Variants in PI4K2B observed in about 807,000 individuals in gnomAD.
PI4K2B encodes phosphatidylinositol 4-kinase type 2 beta.
PI4K2B carries 46 observed loss-of-function variants against 56.6 expected under a neutral mutation model. The ratio of observed to expected loss-of-function variants is 0.81; its 90% CI spans 0.64 to 1.04. PI4K2B has a LOEUF of 1.04. Among genes scored for constraint, PI4K2B ranks in the 50% least tolerant of loss-of-function variants. The pLI, the probability that PI4K2B is intolerant of heterozygous loss-of-function variation, is 0.00. For missense variants in PI4K2B, 556 were observed against 607.7 expected (o/e 0.91, Z 0.89); for synonymous variants, 211 against 223.8 (o/e 0.94, Z 0.51).
At chr4:25,258,310 C>T (rs894696315) in intron 4 of PI4K2B, among the ~76,000 whole-genome samples, 11 of 149,492 alleles carry the variant, frequency 7.4e-5, no homozygotes, top group African/African-American at 2.5e-4. Context: ...CGAGTTCAAG[C>T]GATTCTCCTG....
Position 25,255,081 on chromosome 4 carries a change from T to C in PI4K2B, c.440T>C (p.Phe147Ser). 1 of 1,613,182 alleles carries C rather than the reference T, an allele frequency of 6.2e-7. No homozygotes were observed. The highest frequency in any genetic ancestry group is 8.5e-7 in the Non-Finnish European group (1 of 1,179,196). Residue 147 changes from phenylalanine (F) to serine (S), a missense_variant, in exon 3 of 10, where the codon TTT (phenylalanine) becomes TCT (serine). By Grantham distance (155) the Phe-to-Ser change is radical. Coordinates refer to ENST00000264864, the MANE Select transcript of PI4K2B (RefSeq NM_018323.4). ...KDPKRKIIGV[F>S]KPKSEEPYGQ... ...TTGCTCTAGAAAATTATTGGTGTGT[T>C]TAAACCCAAATCAGAAGAGCCTTAT...
chr4:25,241,766 G>T (rs1308401361), intron 1 of PI4K2B, among the ~76,000 whole-genome samples: 1 of 152,186 alleles, frequency 6.6e-6, no homozygotes, highest in Non-Finnish European at 1.5e-5. Flanking sequence ...GCCACTGGTT[G>T]TGGGGTTGTC....
intron 3 of PI4K2B, among the ~76,000 whole-genome samples, chr4:25,256,191 T>C (rs1716258386): frequency 6.6e-6 from 1 of 152,232 alleles, no homozygotes. Context: ...GTGTTGGGAT[T>C]ACAGGCATGA....
chr4:25,248,889 T>C (rs531125255), intron 1 of PI4K2B, among the ~76,000 whole-genome samples: 107 of 152,194 alleles, frequency 7.0e-4, no homozygotes, highest in Non-Finnish European at 1.2e-3. Flanking sequence ...CATAGGACAA[T>C]AGTGGAGGGA....
chr4:25,276,645 T>C, intron 9 of PI4K2B: 1 of 984,078 alleles, frequency 1.0e-6, no homozygotes, highest in Non-Finnish European at 1.2e-6. Flanking sequence ...AAAACCAGAC[T>C]GTTTAAACCA....
intron 1 of PI4K2B, among the ~76,000 whole-genome samples, chr4:25,246,183 G>A (rs917431849): frequency 1.3e-5 from 2 of 152,022 alleles, no homozygotes; most frequent in Non-Finnish European, 2.9e-5. Flanking sequence ...TGCAAAGAGC[G>A]AAAGAACAAA....
At chr4:25,247,407 A>C (rs1360374853) in intron 1 of PI4K2B, among the ~76,000 whole-genome samples, 1 of 152,196 alleles carries the variant, frequency 6.6e-6, no homozygotes, top group Non-Finnish European at 1.5e-5. Context: ...TACTGGGTGC[A>C]GTGGAAATGA....
chr4:25,268,371 A>C, intron 7 of PI4K2B, 72 bp from the exon 8 acceptor site: 2 of 1,295,930 alleles, frequency 1.5e-6, no homozygotes, highest in Non-Finnish European at 2.2e-6. Flanking sequence ...GTTGTAGGAA[A>C]GAACCGGGAA....
chr4:25,270,989 A>G (rs182276163), intron 9 of PI4K2B, among the ~76,000 whole-genome samples: 3 of 152,318 alleles, frequency 2.0e-5, no homozygotes, highest in African/African-American at 7.2e-5. Flanking sequence ...AGTGCTGGCA[A>G]CTAGTCACTG....
rs10939045 is a variant in PI4K2B at position 25,266,776 on chromosome 4, G to A, written c.1079-1667G>A. 0.015 allele frequency among the ~76,000 whole-genome samples: 2,217 copies of A among 152,194 alleles called. 127 individuals are homozygous for A. The East Asian group carries it at 0.18, about 12-fold the overall frequency. On this transcript the variant is annotated intron_variant, in intron 7 of 9. Coordinates refer to ENST00000264864, the MANE Select transcript of PI4K2B (RefSeq NM_018323.4). ...TCTTTTTTTTGGTTTTCTGGGATAT[G>A]AGAGAGAGGAAATAGCTTTTAAACT...
chr4:25,257,593 G>C (rs1190908708), intron 4 of PI4K2B, among the ~76,000 whole-genome samples: 2 of 152,022 alleles, frequency 1.3e-5, no homozygotes, highest in African/African-American at 4.8e-5. Flanking sequence ...GGGTAGAGAG[G>C]GTTAATGGGA....
rs528275517 is a variant in PI4K2B at position 25,236,196 on chromosome 4, C to T, written c.268+1765C>T. Among the ~76,000 whole-genome samples, 38 of 143,160 alleles carry T rather than the reference C, an allele frequency of 2.7e-4. No individual in the cohort carries two copies. In the Middle Eastern group the frequency reaches 0.022, roughly 83 times the overall value. The allele number at this position is 143,160 out of a possible 152,430, so 93.9% of individuals were successfully genotyped here. Reference sequence around the variant, plus strand: ...GGTTCTGTCTTGAGACAGAGCAAGACTCTGTCTCAAAAATAAATAAATAAA... The same window carrying T: ...GGTTCTGTCTTGAGACAGAGCAAGATTCTGTCTCAAAAATAAATAAATAAA... On this transcript the variant is annotated intron_variant, in intron 1 of 9. Transcript: ENST00000264864.
intron 1 of PI4K2B, among the ~76,000 whole-genome samples, chr4:25,242,775 C>T (rs1457672025): frequency 2.0e-5 from 3 of 152,146 alleles, no homozygotes; most frequent in African/African-American, 7.2e-5. Flanking sequence ...GATCTTTTAA[C>T]CTGATTTGGA....
At chr4:25,250,387 C>T (rs1716003738) in intron 1 of PI4K2B, among the ~76,000 whole-genome samples, 1 of 152,108 alleles carries the variant, frequency 6.6e-6, no homozygotes. Context: ...TAAGTGGGAG[C>T]TAAATGATGA....
rs1560363663 is a variant in PI4K2B, at chr4:25,236,250, TAAATA to T, written c.268+1822_268+1826del. On this transcript the variant is annotated intron_variant, in intron 1 of 9. Coordinates refer to ENST00000264864, the MANE Select transcript of PI4K2B (RefSeq NM_018323.4). The stretch of plus-strand genomic sequence containing the variant: ...ATAAATAAATAAATAAATAAATAAA[TAAATA>T]AATTTTATTCTCTGTTGGGTGCCAT... Among the ~76,000 whole-genome samples, 63 of 108,158 alleles carry T rather than the reference TAAATA, an allele frequency of 5.8e-4. 1 individual carries two copies. The highest frequency in any genetic ancestry group is 1.7e-3 in the African/African-American group (58 of 33,642). The allele number at this position is 108,158 out of a possible 152,430, so 71.0% of individuals were successfully genotyped here.
In PI4K2B at chr4:25,277,263, G is replaced by C. The variant is rs1426223327; in HGVS notation, c.*76G>C. The C allele has an allele frequency of 2.1e-6, 3 of 1,439,892 alleles. No individual in the cohort carries two copies. The East Asian group carries it at 7.0e-5, about 33-fold the overall frequency. The allele number at this position is 1,439,892 out of a possible 1,614,324, so 89.2% of individuals were successfully genotyped here. A position where few individuals can be genotyped will look rare whatever the true frequency, so the allele number is the denominator to read the frequency against. On this transcript the variant is annotated 3_prime_UTR_variant, in exon 10 of 10. Transcript: ENST00000264864. ...AACATCATAGTAATATAAATCTGCT[G>C]TTAGGAGCTCCAGTTGCTAAAACCT...
intron 4 of PI4K2B, chr4:25,258,376 T>C (rs1716335600): frequency 6.6e-6 from 1 of 151,938 alleles, no homozygotes; most frequent in Non-Finnish European, 1.5e-5. Flanking sequence ...CATGGCTAAT[T>C]TTTTGTATTT....
chr4:25,264,762 T>C (rs894533563), intron 7 of PI4K2B, among the ~76,000 whole-genome samples: 3 of 151,712 alleles, frequency 2.0e-5, no homozygotes, highest in Non-Finnish European at 4.4e-5. Context: ...TCCTAGCTAC[T>C]TGGGAGACTG....
chr4:25,239,556 G>A (rs564422346), intron 1 of PI4K2B, among the ~76,000 whole-genome samples: 23 of 60,204 alleles, frequency 3.8e-4, no homozygotes, highest in Admixed American at 7.5e-4. Context: ...ATGCCCACCC[G>A]GAACTCGCGC....
Sources: allele counts gnomAD v4.1 joint callset (sites outside exome capture counted in the v4.1 genomes callset), GRCh38; gene constraint gnomAD v4.1.1; transcripts MANE v1.5; gene names NCBI Gene and HGNC (gene_info 2026-07-23, HGNC 2026-07-21).